OXNAD1: variants seen among roughly 807,000 people sequenced by gnomAD.
OXNAD1 encodes oxidoreductase NAD-binding domain-containing protein 1.
A neutral mutation model predicts 32.9 loss-of-function variants in OXNAD1; 34 were observed. That is an observed-to-expected ratio of 1.03 (90% CI 0.79 to 1.38). OXNAD1 has a LOEUF of 1.38. Among genes scored for constraint, OXNAD1 ranks in the 40% most tolerant of loss-of-function variants. OXNAD1 has a pLI of 0.00. For synonymous variants in OXNAD1, 134 were observed against 135.2 expected, an observed-to-expected ratio of 0.99 and a Z score of 0.06; for missense variants, 407 against 379.4, an observed-to-expected ratio of 1.07 and a Z score of -0.60.
rs370332535 is a variant in OXNAD1, at chr3:16,346,662, A to T, written c.*31-2514A>T. 2.0e-5 allele frequency among the ~76,000 whole-genome samples: 3 copies of T among 152,334 alleles called. No individual in the cohort carries two copies. The highest frequency in any genetic ancestry group is 2.4e-5 in the African/African-American group (1 of 41,584). The stretch of plus-strand genomic sequence containing the variant: ...TGGGTCTGTGACTCAGTCCTGGCCA[A>T]TGAGACCTGAGGAAATCTCTGTTGT... On this transcript the variant is annotated intron_variant, in intron 9 of 9. Transcript: ENST00000606098. The surrounding 1 kb of genome is among the most constrained non-coding windows in gnomAD (Gnocchi z 4.4).
intron 4 of OXNAD1, chr3:16,272,252 T>C: frequency 2.4e-6 from 1 of 419,014 alleles, no homozygotes; most frequent in Non-Finnish European, 4.7e-6. Flanking sequence ...ATTCAGACTA[T>C]AGAAAGCTAA....
downstream of OXNAD1, among the ~76,000 whole-genome samples, chr3:16,308,981 A>G (rs1488776149): frequency 6.6e-6 from 1 of 152,224 alleles, no homozygotes; most frequent in East Asian, 1.9e-4. The surrounding 1 kb of genome is among the most constrained non-coding windows in gnomAD (Gnocchi z 4.4). Flanking sequence ...ATAAAATTAT[A>G]TAGATTAAAA....
intron 4 of OXNAD1, among the ~76,000 whole-genome samples, chr3:16,281,603 C>T (rs2065744364): frequency 6.6e-6 from 1 of 152,170 alleles, no homozygotes; most frequent in African/African-American, 2.4e-5. Flanking sequence ...TGGTCATAGA[C>T]AGCATCCAAA....
downstream of OXNAD1, among the ~76,000 whole-genome samples, chr3:16,342,338 C>G (rs2071371575): frequency 1.3e-5 from 2 of 152,152 alleles, no homozygotes; most frequent in African/African-American, 4.8e-5. The surrounding 1 kb of genome is among the most constrained non-coding windows in gnomAD (Gnocchi z 4.0). Flanking sequence ...AGCATATGTT[C>G]AAGGTTCATA....
At chr3:16,272,571 T>C (rs1448802225) in intron 4 of OXNAD1, among the ~76,000 whole-genome samples, 1 of 152,014 alleles carries the variant, frequency 6.6e-6, no homozygotes, top group East Asian at 1.9e-4. Flanking sequence ...GTTTAGGCCC[T>C]ACTTTTAAGG....
At chr3:16,340,688 T>C (rs1451338936), downstream of OXNAD1, among the ~76,000 whole-genome samples, 2 of 152,260 alleles carry the variant, frequency 1.3e-5, no homozygotes, top group African/African-American at 4.8e-5. Flanking sequence ...AAGGTAACTC[T>C]GCAGTTATAG....
chr3:16,345,816 GTGCGCGCGCGCGTGCGCGCA>G lies in OXNAD1; in HGVS notation c.*31-3359_*31-3340del, dbSNP rs60967320. 0.3 allele frequency among the ~76,000 whole-genome samples: 36,797 copies of G among 123,080 alleles called. 4,578 individuals carry two copies. The highest frequency in any genetic ancestry group is 0.43 in the South Asian group (1,909 of 4,398). The allele number at this position is 123,080 out of a possible 152,430, so 80.7% of individuals were successfully genotyped here. On this transcript the variant is annotated intron_variant, in intron 9 of 9. Transcript: ENST00000606098. The surrounding 1 kb of genome is among the most constrained non-coding windows in gnomAD (Gnocchi z 5.2). ...TGTGTGTGTGTGTGTGTGTGTGTGT[GTGCGCGCGCGCGTGCGCGCA>G]CGCGCACATGTGCATGTGTATGTGT...
In OXNAD1 at chr3:16,342,501, A is replaced by G. The variant is rs931364204; in HGVS notation, c.*31-6675A>G. Among the ~76,000 whole-genome samples, 1 of 152,238 alleles carries G rather than the reference A, an allele frequency of 6.6e-6. No homozygotes were observed. Among genetic ancestry groups the G allele is most frequent in the Non-Finnish European group, 1.5e-5 (1 of 68,044 alleles). On this transcript the variant is annotated intron_variant, in intron 9 of 9. Coordinates refer to the OXNAD1 transcript ENST00000606098. The surrounding 1 kb of genome is among the most constrained non-coding windows in gnomAD (Gnocchi z 4.0). ...AAAGCTGCCATCAACATTAATGTAC[A>G]TAGGTCTTTATGTGGACATATGTTT...
At position 16,320,103 on chromosome 3, in the gene OXNAD1, C is replaced by T. The variant is rs929726089; in HGVS notation, c.*30+16511C>T. Among the ~76,000 whole-genome samples the T allele has an allele frequency of 1.3e-5, 2 of 152,178 alleles. No homozygotes were observed. Among genetic ancestry groups the T allele is most frequent in the African/African-American group, 4.8e-5 (2 of 41,438 alleles). ...TTTACAGCAGTGTGTGTCCAGAGTT[C>T]CATGTCAGCAGGAGCCAATGGATTT... is the stretch of plus-strand genomic sequence containing the variant. On this transcript the variant is annotated intron_variant, in intron 9 of 9. Coordinates refer to the OXNAD1 transcript ENST00000435829. The surrounding 1 kb of genome is among the most constrained non-coding windows in gnomAD (Gnocchi z 4.5).
chr3:16,336,049 C>G lies in OXNAD1; in HGVS notation c.*31-1063C>G, dbSNP rs2070816252. 6.6e-6 allele frequency among the ~76,000 whole-genome samples: 1 copy of G among 152,174 alleles called. No homozygotes were observed. The highest frequency in any genetic ancestry group is 1.5e-5 in the Non-Finnish European group (1 of 68,018). On this transcript the variant is annotated intron_variant, in intron 9 of 9. Coordinates refer to the OXNAD1 transcript ENST00000435829. The surrounding 1 kb of genome is among the most constrained non-coding windows in gnomAD (Gnocchi z 6.0). The stretch of plus-strand genomic sequence containing the variant: ...CGAGGAGGGTAGAGGTCCTGTTCTC[C>G]TACGGCCATGGAAAGTGGAGATCTA...
downstream of OXNAD1, among the ~76,000 whole-genome samples, chr3:16,306,257 C>T (rs1355754070): frequency 1.3e-5 from 2 of 152,166 alleles, no homozygotes; most frequent in Non-Finnish European, 2.9e-5. Flanking sequence ...CTCGTGCATC[C>T]ATCACCCGGC....
In OXNAD1 at chr3:16,322,945, C is replaced by T. The variant is rs1413363911; in HGVS notation, c.*31-14167C>T. On this transcript the variant is annotated intron_variant, in intron 9 of 9. Coordinates refer to the OXNAD1 transcript ENST00000435829. The surrounding 1 kb of genome is among the most constrained non-coding windows in gnomAD (Gnocchi z 6.2). ...GGCAGGGTCTCTGCTTAGATCCCCA[C>T]ACTTTTAATGTCCTAAGGAATCTTA... is the stretch of plus-strand genomic sequence containing the variant. Among the ~76,000 whole-genome samples the T allele has an allele frequency of 6.6e-6, 1 of 152,178 alleles. No homozygotes were observed. Among genetic ancestry groups the T allele is most frequent in the Admixed American group, 6.5e-5 (1 of 15,280 alleles).
In OXNAD1 at chr3:16,298,166, A is replaced by G. The variant is rs922668060; in HGVS notation, c.432+3169A>G. 5.9e-5 allele frequency among the ~76,000 whole-genome samples: 9 copies of G among 151,918 alleles called. No individual in the cohort carries two copies. The highest frequency in any genetic ancestry group is 2.2e-4 in the African/African-American group (9 of 41,360). On this transcript the variant is annotated intron_variant, in intron 6 of 8. Coordinates refer to ENST00000285083, the MANE Select transcript of OXNAD1 (RefSeq NM_138381.5). This position sits in a 1 kb window ranked among gnomAD's most constrained non-coding sequence, Gnocchi z 5.1. ...CCGTCAGTGTGGCCTCAGCTGCCTC[A>G]TTGCTTTTTGGAGTCTCTGGATTTT...
At chr3:16,282,522 T>C (rs771424623) in intron 4 of OXNAD1, among the ~76,000 whole-genome samples, 4 of 152,160 alleles carry the variant, frequency 2.6e-5, no homozygotes, top group African/African-American at 9.7e-5. Flanking sequence ...AGTTGACTTA[T>C]ACATGCTGAA....
chr3:16,266,429 C>T (rs2064505180), intron 1 of OXNAD1, among the ~76,000 whole-genome samples: 2 of 151,774 alleles, frequency 1.3e-5, no homozygotes, highest in South Asian at 4.2e-4. Context: ...CATGATGAAG[C>T]CCCGTCTTTA....
In OXNAD1 at chr3:16,334,831, A is replaced by G. The variant is rs775099489; in HGVS notation, c.*31-2281A>G. 3.9e-5 allele frequency among the ~76,000 whole-genome samples: 6 copies of G among 152,204 alleles called. No individual in the cohort carries two copies. Among genetic ancestry groups the G allele is most frequent in the Non-Finnish European group, 5.9e-5 (4 of 68,034 alleles). The stretch of plus-strand genomic sequence containing the variant: ...CTAAGGATCTTGAGATGGAGAGTTT[A>G]TCCAGGATTATCCAGGTGTGCCCAG... On this transcript the variant is annotated intron_variant, in intron 9 of 9. Coordinates refer to the OXNAD1 transcript ENST00000435829. The surrounding 1 kb of genome is among the most constrained non-coding windows in gnomAD (Gnocchi z 4.3).
At chr3:16,308,377 A>T (rs1461548683), downstream of OXNAD1, among the ~76,000 whole-genome samples, 1 of 152,120 alleles carries the variant, frequency 6.6e-6, no homozygotes, top group Non-Finnish European at 1.5e-5. This position sits in a 1 kb window ranked among gnomAD's most constrained non-coding sequence, Gnocchi z 4.4. Context: ...GAGGATTGTT[A>T]TATGGGACTC....
downstream of OXNAD1, among the ~76,000 whole-genome samples, chr3:16,306,281 A>T (rs769177607): frequency 2.0e-5 from 3 of 152,190 alleles, no homozygotes; most frequent in African/African-American, 7.2e-5. Flanking sequence ...CATGACTAGC[A>T]GCATTCTGTT....
At position 16,320,317 on chromosome 3, in the gene OXNAD1, A is replaced by G. The variant is rs1227880057; in HGVS notation, c.*30+16725A>G. On this transcript the variant is annotated intron_variant, in intron 9 of 9. Coordinates refer to the OXNAD1 transcript ENST00000435829. The surrounding 1 kb of genome is among the most constrained non-coding windows in gnomAD (Gnocchi z 4.5). ...AAGTCCTGATTAGAAAAATCTATCCATGTTGCTGATTAAAAGAAGACTAAA... is the reference window on the plus strand; with the variant it reads ...AAGTCCTGATTAGAAAAATCTATCCGTGTTGCTGATTAAAAGAAGACTAAA... Among the ~76,000 whole-genome samples the G allele has an allele frequency of 6.6e-6, 1 of 152,194 alleles. No individual in the cohort carries two copies. Among genetic ancestry groups the G allele is most frequent in the East Asian group, 1.9e-4 (1 of 5,198 alleles).
Sources: allele counts gnomAD v4.1 joint callset (sites outside exome capture counted in the v4.1 genomes callset), GRCh38; gene constraint gnomAD v4.1.1; non-coding constraint Gnocchi (gnomAD v3.1); transcripts MANE v1.5; gene names NCBI Gene and HGNC (gene_info 2026-07-23, HGNC 2026-07-21).